Variants in PLXNA1 observed in about 807,000 individuals in gnomAD.
PLXNA1 encodes the protein plexin A1.
Under a neutral mutation model 191.7 loss-of-function variants are expected in PLXNA1, and 77 were observed. The observed-to-expected ratio is 0.40, with a 90% confidence interval of 0.33 to 0.49. The LOEUF (loss-of-function observed/expected upper bound fraction) is 0.49. Ranked by LOEUF, PLXNA1 falls within the 20% of genes least tolerant of loss-of-function variation. The probability of loss-of-function intolerance (pLI) is 0.63; values close to 1 mark genes in which losing one functional copy is unlikely to be tolerated. For synonymous variants in PLXNA1, 1,137 were observed against 1,156.4 expected (o/e 0.98, Z 0.34); for missense variants, 2,110 against 2,660.2 (o/e 0.79, Z 4.55).
At chr3:127,023,849 G>A (rs529754347) in intron 23 of PLXNA1, among the ~76,000 whole-genome samples, 5 of 152,134 alleles carry the variant, frequency 3.3e-5, no homozygotes, top group Non-Finnish European at 7.4e-5. Flanking sequence ...GACCAGGCGG[G>A]GGGAGGGAAG....
At chr3:127,007,959 G>A in intron 9 of PLXNA1, 46 bp downstream of exon 9, 2 of 1,349,348 alleles carry the variant, frequency 1.5e-6, no homozygotes, top group South Asian at 1.3e-5. Flanking sequence ...AGGTGGAGCA[G>A]AACTGGGTTG....
chr3:127,013,521 C>CAGCCT (rs1466575467), intron 10 of PLXNA1, among the ~76,000 whole-genome samples: 1 of 152,220 alleles, frequency 6.6e-6, no homozygotes, highest in Non-Finnish European at 1.5e-5. Context: ...GGGCCCAGCC[C>CAGCCT]AGCCTTGTTG....
At chr3:126,987,969 G>A (rs1372327159) in intron 1 of PLXNA1, among the ~76,000 whole-genome samples, 3 of 152,160 alleles carry the variant, frequency 2.0e-5, no homozygotes, top group Non-Finnish European at 4.4e-5. Flanking sequence ...GCTGTGGGCT[G>A]TCAGGGCGTG....
In PLXNA1 at chr3:127,030,097, G is replaced by T. The variant is rs372459393; in HGVS notation, c.5061+33G>T. The T allele has an allele frequency of 1.9e-6, 3 of 1,605,004 alleles. No homozygotes were observed. The East Asian group carries it at 6.7e-5, about 36-fold the overall frequency. ...TGGCTGGCAGATGGGGGCAGGGGAC[G>T]CTGGGCCAACTGAGCTCAGAGAAAG... On this transcript the variant is annotated intron_variant, in intron 28 of 31. Transcript: ENST00000393409.
At position 127,005,200 on chromosome 3, in the gene PLXNA1, C is replaced by T. The variant is rs1163110353; in HGVS notation, c.1854C>T (p.Arg618=). 6.2e-7 allele frequency: 1 copy of T among 1,611,912 alleles called. No homozygotes were observed. The highest frequency in any genetic ancestry group is 1.1e-5 in the South Asian group (1 of 90,838). The change falls in exon 7 of 32, where the codon CGC becomes CGT. Residue 618 remains arginine, a synonymous_variant. Coordinates refer to ENST00000393409, the MANE Select transcript of PLXNA1 (RefSeq NM_032242.4). ...TGGAGGATGGCCGGATCCACTGCCGCTCACCCTCCGCCCGGGAGGTGGCGC... is the reference window on the plus strand; with the variant it reads ...TGGAGGATGGCCGGATCCACTGCCGTTCACCCTCCGCCCGGGAGGTGGCGC... ...SVLEDGRIHC[R]SPSAREVAPI...
chr3:127,005,161 A>G lies in PLXNA1; in HGVS notation c.1815A>G (p.Glu605=). Residue 605 remains glutamate, a synonymous_variant, in exon 7 of 32, where the codon GAA becomes GAG. Coordinates refer to ENST00000393409, the MANE Select transcript of PLXNA1 (RefSeq NM_032242.4). ...ACTGCTCCTTCGAGGACTTCACGGA[A>G]TCTGAGAGCGTCCTGGAGGATGGCC... The part of the protein sequence containing the change: ...GVNCSFEDFT[E]SESVLEDGRI... The G allele has an allele frequency of 6.2e-7, 1 of 1,612,642 alleles. No individual in the cohort carries two copies. The highest frequency in any genetic ancestry group is 1.1e-5 in the South Asian group (1 of 91,048).
intron 3 of PLXNA1, among the ~76,000 whole-genome samples, chr3:127,003,060 C>T (rs754649164): frequency 6.6e-6 from 1 of 151,774 alleles, no homozygotes; most frequent in Non-Finnish European, 1.5e-5. Context: ...TCTCCAGGCC[C>T]CAATACCTTC....
At chr3:127,008,056 C>T (rs947346018) in intron 9 of PLXNA1, 143 bp downstream of exon 9, 10 of 571,574 alleles carry the variant, frequency 1.7e-5, no homozygotes, top group African/African-American at 1.1e-4. Flanking sequence ...CATGCACCAC[C>T]AGGCTGGGTC....
chr3:126,988,540 A>G lies in PLXNA1; in HGVS notation c.-54A>G, dbSNP rs558480189. On this transcript the variant is annotated 5_prime_UTR_variant, in exon 2 of 32. An upstream start codon of the reference 5' UTR is lost. Transcript: ENST00000393409. ...CCCCAGGGCTGAAGCTCCTGGCACC[A>G]TGATGCTCACCCCAGCAGGACCAGA... 4.9e-6 allele frequency: 7 copies of G among 1,415,112 alleles called. No homozygotes were observed. The East Asian group carries it at 1.8e-4, about 35-fold the overall frequency. The allele number at this position is 1,415,112 out of a possible 1,614,324, so 87.7% of individuals were successfully genotyped here. A position where few individuals can be genotyped will look rare whatever the true frequency, so the allele number is the denominator to read the frequency against.
intron 7 of PLXNA1, among the ~76,000 whole-genome samples, chr3:127,005,583 G>T (rs1026724477): frequency 6.6e-6 from 1 of 152,186 alleles, no homozygotes; most frequent in Non-Finnish European, 1.5e-5. Context: ...ATCCCTACTG[G>T]CATTAAGGTC....
At chr3:127,027,531 T>C in intron 23 of PLXNA1, 1 of 388,984 alleles carries the variant, frequency 2.6e-6, no homozygotes, top group Non-Finnish European at 5.1e-6. Context: ...ATGGGGAGCT[T>C]TGTCCTGAGC....
intron 3 of PLXNA1, among the ~76,000 whole-genome samples, chr3:126,994,350 G>A (rs1445946920): frequency 6.6e-6 from 1 of 152,168 alleles, no homozygotes; most frequent in Non-Finnish European, 1.5e-5. Flanking sequence ...ACCTGGCTGG[G>A]AGTGCTGCTG....
chr3:126,989,413 G>A lies in PLXNA1; in HGVS notation c.820G>A (p.Gly274Ser), dbSNP rs369940054. ...ACAGCTGACCTCGCCTGATGCCGCC[G>A]GCGAGCACTTCTTCACGTCCAAGAT... is the stretch of plus-strand genomic sequence containing the variant. ...DTQLTSPDAA[G>S]EHFFTSKIVR... Residue 274 changes from glycine to serine, a missense_variant, in exon 2 of 32, where the codon GGC (glycine) becomes AGC (serine). By Grantham distance (56) the Gly-to-Ser change is moderately conservative. Around this residue, in one of 4 missense-constraint regions of PLXNA1, gnomAD observed 903 missense variants for 1,015.7 expected, o/e 0.89. Transcript: ENST00000393409. The A allele has an allele frequency of 4.5e-5, 72 of 1,613,458 alleles. No homozygotes were observed. The highest frequency in any genetic ancestry group is 5.4e-5 in the Non-Finnish European group (64 of 1,180,044).
At chr3:127,028,909 C>A in intron 25 of PLXNA1, 84 bp from the exon 26 acceptor site, 1 of 1,006,660 alleles carries the variant, frequency 9.9e-7, no homozygotes, top group South Asian at 1.4e-5. Context: ...GAGCTGCAGG[C>A]AGGCCCCGTC....
intron 1 of PLXNA1, 76 bp from the exon 2 acceptor site, chr3:126,988,445 G>T: frequency 1.3e-6 from 1 of 769,380 alleles, no homozygotes; most frequent in East Asian, 2.8e-5. Context: ...CACTGGAAGG[G>T]CTCACACTGG....
intron 1 of PLXNA1, among the ~76,000 whole-genome samples, chr3:126,983,882 C>T (rs556878997): frequency 7.6e-4 from 115 of 152,108 alleles, no homozygotes; most frequent in African/African-American, 2.7e-3. Flanking sequence ...CCGGCCGGCC[C>T]TGGGGCGCGG....
intron 3 of PLXNA1, 62 bp downstream of exon 3, chr3:126,991,628 G>C: frequency 9.6e-6 from 14 of 1,465,712 alleles, no homozygotes; most frequent in Non-Finnish European, 1.3e-5. Context: ...GCTTGCGGCC[G>C]TCCCAGGTGG....
chr3:127,031,350 G>A (rs1382843730), intron 29 of PLXNA1, among the ~76,000 whole-genome samples: 1 of 152,100 alleles, frequency 6.6e-6, no homozygotes, highest in Non-Finnish European at 1.5e-5. Flanking sequence ...TGTGCACCAG[G>A]CCCCTCTACC....
intron 27 of PLXNA1, 63 bp downstream of exon 27, chr3:127,029,599 C>T (rs1163825631): frequency 6.5e-6 from 10 of 1,536,114 alleles, no homozygotes; most frequent in Non-Finnish European, 9.0e-6. Context: ...CAGGACGTCC[C>T]CCGGGCTCCC....
Sources: gnomAD v4.1 joint callset for allele counts (sites outside exome capture counted in the v4.1 genomes callset) on GRCh38, gnomAD v4.1.1 for gene constraint, gnomAD v4.1.1 regional missense constraint, MANE v1.5 for transcripts, NCBI Gene and HGNC (gene_info 2026-07-23, HGNC 2026-07-21) for gene names.